The following ZC3H11A variants were observed in gnomAD, a reference collection of about 807,000 sequenced individuals.
The protein encoded by ZC3H11A is zinc finger CCCH-type containing 11A, also known as zinc finger CCCH domain-containing protein 11A.
A neutral mutation model predicts 90.8 loss-of-function variants in ZC3H11A; 22 were observed. The observed-to-expected ratio is 0.24, with a 90% CI of 0.17 to 0.35. The LOEUF is 0.35. ZC3H11A is among the 10% of genes least tolerant of loss of function. The pLI, the probability that ZC3H11A is intolerant of heterozygous loss-of-function variation, is 1.00. For missense variants in ZC3H11A, 701 were observed against 964.9 expected (o/e 0.73, Z 3.62); for synonymous variants, 294 against 339.8 (o/e 0.87, Z 1.48).
chr1:203,823,271 A>G (rs1679372406), intron 4 of ZC3H11A, among the ~76,000 whole-genome samples: 1 of 152,190 alleles, frequency 6.6e-6, no homozygotes, highest in Non-Finnish European at 1.5e-5. Context: ...AGGAATCTGG[A>G]AGAATCCGTG....
intron 12 of ZC3H11A, among the ~76,000 whole-genome samples, chr1:203,846,880 T>C (rs1394381491): frequency 6.6e-6 from 1 of 152,110 alleles, no homozygotes; most frequent in African/African-American, 2.4e-5. Context: ...GGTGGGTACC[T>C]GTAGTCCCAG....
Position 203,849,603 on chromosome 1 carries a change from T to G in ZC3H11A, c.1624-108T>G, listed in dbSNP as rs991142391. 1.1e-4 allele frequency: 112 copies of G among 1,057,344 alleles called. No homozygotes were observed. The African/African-American group carries it at 1.5e-3, about 15-fold the overall frequency. The allele number at this position is 1,057,344 out of a possible 1,614,324, so 65.5% of individuals were successfully genotyped here. A position where few individuals can be genotyped will look rare whatever the true frequency, so the allele number is the denominator to read the frequency against. On this transcript the variant is annotated intron_variant, in intron 14 of 17. Coordinates refer to ENST00000367210, the MANE Select transcript of ZC3H11A (RefSeq NM_001376342.1). Reference sequence around the variant, plus strand: ...CAAATAAAGAGCTTTTCTCTCAGATTCTGGATCATGTGAGATTCTGCTTAA... The same window carrying G: ...CAAATAAAGAGCTTTTCTCTCAGATGCTGGATCATGTGAGATTCTGCTTAA...
At chr1:203,799,649 G>C in intron 1 of ZC3H11A, 1 of 703,916 alleles carries the variant, frequency 1.4e-6, no homozygotes, top group Non-Finnish European at 2.6e-6. Context: ...CCGCAGGATT[G>C]AATCAGGTGC....
intron 13 of ZC3H11A, 45 bp downstream of exon 13, chr1:203,847,732 T>C (rs1301609521): frequency 6.3e-7 from 1 of 1,581,300 alleles, no homozygotes; most frequent in Non-Finnish European, 8.6e-7. Context: ...CCACATAATA[T>C]TCCAGAGGAG....
At chr1:203,838,229 T>G (rs2103175912) in intron 11 of ZC3H11A, among the ~76,000 whole-genome samples, 165 bp downstream of exon 11, 1 of 152,378 alleles carries the variant, frequency 6.6e-6, no homozygotes, top group Non-Finnish European at 1.5e-5. Context: ...TGCTAGATTC[T>G]GGGTAGACAC....
intron 4 of ZC3H11A, among the ~76,000 whole-genome samples, chr1:203,826,968 C>A (rs2102976421): frequency 6.6e-6 from 1 of 152,294 alleles, no homozygotes; most frequent in African/African-American, 2.4e-5. Context: ...CCCCTTGTTA[C>A]TAACCACATC....
intron 9 of ZC3H11A, among the ~76,000 whole-genome samples, chr1:203,833,441 G>A (rs918485517): frequency 6.6e-6 from 1 of 151,246 alleles, no homozygotes; most frequent in African/African-American, 2.4e-5. Context: ...TGAGACAGGA[G>A]AATTGCTTGA....
chr1:203,817,211 T>A (rs1333237304), intron 3 of ZC3H11A, 87 bp downstream of exon 3: 1 of 1,120,716 alleles, frequency 8.9e-7, no homozygotes, highest in Non-Finnish European at 1.2e-6. Flanking sequence ...AAGTTGTTTT[T>A]ATTATATATA....
intron 4 of ZC3H11A, among the ~76,000 whole-genome samples, chr1:203,821,058 G>A (rs1044633534): frequency 2.0e-5 from 3 of 152,026 alleles, no homozygotes; most frequent in Non-Finnish European, 2.9e-5. Flanking sequence ...CACCTCTATC[G>A]TAATCCCCAT....
chr1:203,837,830 G>T, intron 10 of ZC3H11A, 136 bp from the exon 11 acceptor site: 1 of 772,056 alleles, frequency 1.3e-6, no homozygotes, highest in South Asian at 2.0e-5. Flanking sequence ...GAACTCTAAG[G>T]AAGCTGGTGA....
chr1:203,827,396 A>G (rs12125583), intron 4 of ZC3H11A, among the ~76,000 whole-genome samples: 81,414 of 149,182 alleles, frequency 0.55, 22,284 homozygotes, highest in African/African-American at 0.62. Flanking sequence ...AAGTAAGGTG[A>G]CTGGCCGGGT....
At chr1:203,842,625 CT>C (rs575844553) in intron 12 of ZC3H11A, among the ~76,000 whole-genome samples, 2,798 of 128,270 alleles carry the variant, frequency 0.022, 22 homozygotes, top group African/African-American at 0.037. Flanking sequence ...GAGGGGGAAT[CT>C]TTTTTTTTTT....
chr1:203,799,572 C>T (rs1352862700), intron 1 of ZC3H11A: 1 of 703,046 alleles, frequency 1.4e-6, no homozygotes, highest in South Asian at 1.5e-5. Context: ...TCAGTGGACT[C>T]TAATGACTTA....
At chr1:203,847,763 G>C in intron 13 of ZC3H11A, 76 bp downstream of exon 13, 1 of 1,534,650 alleles carries the variant, frequency 6.5e-7, no homozygotes, top group Non-Finnish European at 8.7e-7. Context: ...GATCTTCCTA[G>C]GAGTTGTTTG....
intron 10 of ZC3H11A, among the ~76,000 whole-genome samples, chr1:203,837,452 C>T (rs145760522): frequency 6.1e-5 from 9 of 147,004 alleles, no homozygotes; most frequent in Non-Finnish European, 1.1e-4. Context: ...TCCCTTGTCT[C>T]TCTTTTTTTT....
chr1:203,800,171 C>T (rs927152775), intron 1 of ZC3H11A: 4 of 1,530,896 alleles, frequency 2.6e-6, no homozygotes, highest in Admixed American at 3.9e-5. Context: ...GAGGTGATGA[C>T]CCTTTAATTT....
chr1:203,815,214 TTC>T (rs1675888287), intron 2 of ZC3H11A, among the ~76,000 whole-genome samples: 1 of 68,878 alleles, frequency 1.5e-5, no homozygotes, highest in Non-Finnish European at 3.4e-5. Flanking sequence ...TCCTTTTCTT[TTC>T]TTTTTTTTTT....
At chr1:203,850,925 A>C in intron 16 of ZC3H11A, 132 bp from the exon 17 acceptor site, 1 of 1,249,154 alleles carries the variant, frequency 8.0e-7, no homozygotes. Flanking sequence ...CTCAACCTTT[A>C]GATTATCGAT....
chr1:203,818,961 C>T (rs930569863), intron 4 of ZC3H11A, among the ~76,000 whole-genome samples: 6 of 150,838 alleles, frequency 4.0e-5, no homozygotes, highest in South Asian at 4.2e-4. Flanking sequence ...TCCAGCTACT[C>T]GGGAGGCTGA....
Sources: gnomAD v4.1 joint callset for allele counts (sites outside exome capture counted in the v4.1 genomes callset) on GRCh38, gnomAD v4.1.1 for gene constraint, MANE v1.5 for transcripts, NCBI Gene and HGNC (gene_info 2026-07-23, HGNC 2026-07-21) for gene names.